RBFOX1: variants seen among roughly 807,000 people sequenced by gnomAD.
The protein encoded by RBFOX1 is RNA binding protein fox-1 homolog 1.
A neutral mutation model predicts 57.7 loss-of-function variants in RBFOX1; 8 were observed. The ratio of observed to expected loss-of-function variants is 0.14; its 90% CI spans 0.08 to 0.25. RBFOX1 has a LOEUF of 0.25. Ranked by LOEUF, RBFOX1 falls within the 10% of genes least tolerant of loss-of-function variation. RBFOX1 has a pLI of 1.00. For missense variants in RBFOX1, 611 were observed against 548.5 expected, an observed-to-expected ratio of 1.11 and a Z score of -1.14; for synonymous variants, 326 against 222.4, an observed-to-expected ratio of 1.47 and a Z score of -4.15.
chr16:5,958,801 A>G (rs1229136269), intron 4 of RBFOX1, among the ~76,000 whole-genome samples: 41 of 152,304 alleles, frequency 2.7e-4, no homozygotes, highest in Non-Finnish European at 1.3e-4. Flanking sequence ...GCTGGTAGCC[A>G]CATCACGCTA....
intron 4 of RBFOX1, among the ~76,000 whole-genome samples, chr16:7,257,276 G>C (rs2094728395): frequency 1.3e-5 from 2 of 152,232 alleles, no homozygotes; most frequent in South Asian, 4.1e-4. Flanking sequence ...GGAAGTGAGA[G>C]TATCATTTCT....
Position 6,631,645 on chromosome 16 carries a change from G to T in RBFOX1, c.-63-22958G>T, listed in dbSNP as rs141646835. 6.5e-3 allele frequency among the ~76,000 whole-genome samples: 987 copies of T among 152,228 alleles called. 10 individuals are homozygous for T. Among genetic ancestry groups the T allele is most frequent in the Non-Finnish European group, 0.011 (751 of 68,016 alleles). ...TAGAAAAATAAACAAGGAAATCAAG[G>T]TTATCAATGCAAATAATGGTACGTG... On this transcript the variant is annotated intron_variant, in intron 2 of 15. Transcript: ENST00000550418.
chr16:5,913,466 A>G (rs1158414990), intron 4 of RBFOX1, among the ~76,000 whole-genome samples: 2 of 152,142 alleles, frequency 1.3e-5, no homozygotes, highest in African/African-American at 2.4e-5. Context: ...CTGGCTGTTT[A>G]AAAGAGCCTG....
chr16:5,427,613 A>G (rs564780360), intron 1 of RBFOX1, among the ~76,000 whole-genome samples: 2 of 147,370 alleles, frequency 1.4e-5, no homozygotes, highest in East Asian at 2.1e-4. Flanking sequence ...ACAAAACAAA[A>G]CAAAACAAAA....
At chr16:7,080,003 TATATATATAC>T (rs2058906732) in intron 4 of RBFOX1, among the ~76,000 whole-genome samples, 2 of 145,606 alleles carry the variant, frequency 1.4e-5, no homozygotes. Flanking sequence ...TCATTGTGTA[TATATATATAC>T]ATATATATAC....
At chr16:5,886,469 C>A (rs977866324) in intron 4 of RBFOX1, among the ~76,000 whole-genome samples, 1 of 152,216 alleles carries the variant, frequency 6.6e-6, no homozygotes, top group Non-Finnish European at 1.5e-5. Context: ...ATTGTGGAGA[C>A]CATTTCTCCA....
intron 3 of RBFOX1, among the ~76,000 whole-genome samples, chr16:7,005,771 C>G (rs942925936): frequency 2.0e-5 from 3 of 152,188 alleles, no homozygotes; most frequent in African/African-American, 7.2e-5. Flanking sequence ...ATGGACCTTG[C>G]CTAAATCGCA....
intron 3 of RBFOX1, among the ~76,000 whole-genome samples, chr16:5,624,854 G>A (rs1425734962): frequency 6.6e-6 from 1 of 152,184 alleles, no homozygotes; most frequent in African/African-American, 2.4e-5. Context: ...GCTGCTTGCT[G>A]AATGGCTCTG....
chr16:5,855,460 T>A (rs1024121242), intron 3 of RBFOX1, among the ~76,000 whole-genome samples: 5 of 152,184 alleles, frequency 3.3e-5, no homozygotes, highest in African/African-American at 9.6e-5. Context: ...GTTTTCCCCA[T>A]ACCATTTATT....
At chr16:5,886,762 C>G (rs990658409) in intron 4 of RBFOX1, among the ~76,000 whole-genome samples, 2 of 152,176 alleles carry the variant, frequency 1.3e-5, no homozygotes, top group East Asian at 3.9e-4. Flanking sequence ...GTGGCAGATG[C>G]CTGTAATCCC....
chr16:5,827,912 T>TTCACCCAC (rs2056126150), intron 3 of RBFOX1, among the ~76,000 whole-genome samples: 1 of 130,446 alleles, frequency 7.7e-6, no homozygotes, highest in African/African-American at 3.9e-5. Context: ...CATCCATCCA[T>TTCACCCAC]CCATCCACCC....
chr16:6,957,233 G>T (rs538496926), intron 3 of RBFOX1, among the ~76,000 whole-genome samples: 1 of 151,310 alleles, frequency 6.6e-6, no homozygotes, highest in African/African-American at 2.4e-5. Flanking sequence ...CCGGGTTCAC[G>T]CCATTCTCCT....
intron 1 of RBFOX1, among the ~76,000 whole-genome samples, chr16:5,457,323 T>C (rs1458147639): frequency 1.3e-5 from 2 of 152,126 alleles, no homozygotes; most frequent in Non-Finnish European, 1.5e-5. Flanking sequence ...TTAGTAGAGA[T>C]GGGGTTTCAC....
At chr16:5,905,579 G>A (rs2058437410) in intron 4 of RBFOX1, among the ~76,000 whole-genome samples, 1 of 152,114 alleles carries the variant, frequency 6.6e-6, no homozygotes, top group South Asian at 2.1e-4. Flanking sequence ...TGGATGTGGT[G>A]GTACACATCT....
intron 3 of RBFOX1, among the ~76,000 whole-genome samples, chr16:6,760,971 C>G (rs1252013126): frequency 6.6e-6 from 1 of 152,182 alleles, no homozygotes; most frequent in East Asian, 1.9e-4. Flanking sequence ...CTTCTTAGCT[C>G]TCTCCCTAAA....
At chr16:6,086,834 T>G (rs1473775883) in intron 1 of RBFOX1, among the ~76,000 whole-genome samples, 1 of 152,244 alleles carries the variant, frequency 6.6e-6, no homozygotes, top group African/African-American at 2.4e-5. Context: ...CACCATTCAG[T>G]TGAATGTAAC....
chr16:6,225,275 T>C (rs1242459408), intron 1 of RBFOX1, among the ~76,000 whole-genome samples: 1 of 152,164 alleles, frequency 6.6e-6, no homozygotes, highest in African/African-American at 2.4e-5. Flanking sequence ...GAAAGCTTGG[T>C]ATCAAAAGCT....
chr16:7,085,238 G>C (rs1024820969), intron 4 of RBFOX1, among the ~76,000 whole-genome samples: 19 of 152,076 alleles, frequency 1.2e-4, no homozygotes, highest in Non-Finnish European at 5.9e-5. Flanking sequence ...TCCATGGATT[G>C]ATGCAAACTA....
chr16:7,227,778 C>G (rs1236735060), intron 4 of RBFOX1, among the ~76,000 whole-genome samples: 1 of 152,212 alleles, frequency 6.6e-6, no homozygotes, highest in African/African-American at 2.4e-5. Flanking sequence ...CTTCCTGTGG[C>G]AGACACAGGA....
Sources: allele counts gnomAD v4.1 joint callset (sites outside exome capture counted in the v4.1 genomes callset), GRCh38; gene constraint gnomAD v4.1.1; transcripts MANE v1.5; gene names NCBI Gene and HGNC (gene_info 2026-07-23, HGNC 2026-07-21).